The following APC variants were observed in gnomAD, a reference collection of about 807,000 sequenced individuals.
APC encodes the protein adenomatous polyposis coli protein.
In APC, 72 loss-of-function variants were observed where a neutral mutation model predicts 247.0. The observed-to-expected ratio is 0.29, with a 90% CI of 0.24 to 0.35. APC has a LOEUF of 0.35. Ranked by LOEUF, APC falls within the 10% of genes least tolerant of loss-of-function variation. The pLI is 1.00. For synonymous variants in APC, 1,254 were observed against 1,162.5 expected, an observed-to-expected ratio of 1.08 and a Z score of -1.60; for missense variants, 3,400 against 3,360.7, an observed-to-expected ratio of 1.01 and a Z score of -0.29.
chr5:112,745,866 A>G (rs1323854826), intron 1 of APC, among the ~76,000 whole-genome samples: 1 of 152,180 alleles, frequency 6.6e-6, no homozygotes, highest in Non-Finnish European at 1.5e-5. Flanking sequence ...CACTTTAAAT[A>G]ACTATTAAAA....
Position 112,765,815 on chromosome 5 carries a change from C to G in APC, c.136-511C>G, listed in dbSNP as rs75586042. 4.6e-3 allele frequency among the ~76,000 whole-genome samples: 695 copies of G among 152,182 alleles called. 7 individuals are homozygous for G. Among genetic ancestry groups the G allele is most frequent in the African/African-American group, 0.016 (674 of 41,516 alleles). Reference sequence around the variant, plus strand: ...AGTCAAGAAGTAGTGAACATACAGTCATTTGAATGTATGCTAATTGTAAAT... The same window carrying G: ...AGTCAAGAAGTAGTGAACATACAGTGATTTGAATGTATGCTAATTGTAAAT... On this transcript the variant is annotated intron_variant, in intron 2 of 15. Transcript: ENST00000257430.
At position 112,708,930 on chromosome 5, in the gene APC, G is replaced by C. The variant is rs78064343; in HGVS notation, c.165+1048G>C. On this transcript the variant is annotated intron_variant, in intron 1 of 13. Coordinates refer to the APC transcript ENST00000507379. Reference sequence around the variant, plus strand: ...TCCTAAATAACGTAGTACCTTGCCAGAGTCTAAGTGCAAAATGTGGGATCA... The same window carrying C: ...TCCTAAATAACGTAGTACCTTGCCACAGTCTAAGTGCAAAATGTGGGATCA... Among the ~76,000 whole-genome samples the C allele has an allele frequency of 4.9e-3, 748 of 152,330 alleles. 3 individuals are homozygous for C. The highest frequency in any genetic ancestry group is 0.017 in the African/African-American group (714 of 41,564).
chr5:112,833,510 G>A (rs1764537383), intron 14 of APC, among the ~76,000 whole-genome samples: 1 of 152,042 alleles, frequency 6.6e-6, no homozygotes, highest in Non-Finnish European at 1.5e-5. Context: ...TTTTTGTAGA[G>A]ATTGGGTATT....
chr5:112,846,131 T>G lies in APC; in HGVS notation c.*2005T>G, dbSNP rs559244186. On this transcript the variant is annotated 3_prime_UTR_variant, in exon 16 of 16. Coordinates refer to ENST00000257430, the MANE Select transcript of APC (RefSeq NM_000038.6). ...TGTAAACACTTCAATTTACTATCTTTGAAATGATTGACCTTTAAATTTTTG... is the reference window on the plus strand; with the variant it reads ...TGTAAACACTTCAATTTACTATCTTGGAAATGATTGACCTTTAAATTTTTG... 50 of 232,446 alleles carry G rather than the reference T, an allele frequency of 2.2e-4. No individual in the cohort carries two copies. The South Asian group carries it at 8.9e-3, about 41-fold the overall frequency. 14.4% of individuals were successfully genotyped at this position (232,446 alleles called of 1,614,324 possible). A position where few individuals can be genotyped will look rare whatever the true frequency, so the allele number is the denominator to read the frequency against.
At chr5:112,770,920 A>G (rs771972817) in intron 4 of APC, among the ~76,000 whole-genome samples, 4 of 152,128 alleles carry the variant, frequency 2.6e-5, no homozygotes, top group Non-Finnish European at 5.9e-5. Context: ...GACTGTGTCT[A>G]CTGAAGCCCC....
At chr5:112,736,945 C>G (rs1003737180), upstream of APC, among the ~76,000 whole-genome samples, 14 of 152,058 alleles carry the variant, frequency 9.2e-5, no homozygotes, top group East Asian at 2.7e-3. Context: ...AGTATAGTAT[C>G]CTTTTAAATT....
chr5:112,755,239 A>G (rs1038498513), intron 2 of APC: 1 of 311,972 alleles, frequency 3.2e-6, no homozygotes, highest in Non-Finnish European at 4.7e-6. Flanking sequence ...TAAAACTCCA[A>G]TGGCTAGTTA....
At chr5:112,817,609 C>T (rs1478658822) in intron 9 of APC, among the ~76,000 whole-genome samples, 2 of 152,114 alleles carry the variant, frequency 1.3e-5, no homozygotes, top group African/African-American at 2.4e-5. Flanking sequence ...CTTGAATATT[C>T]AAGAGTAATA....
rs1161411320 is a variant in APC, at chr5:112,838,956, T to G, written c.3362T>G (p.Ile1121Ser). 6.2e-7 allele frequency: 1 copy of G among 1,614,066 alleles called. No homozygotes were observed. Among genetic ancestry groups the G allele is most frequent in the Non-Finnish European group, 8.5e-7 (1 of 1,180,020 alleles). ...ETNRVGSNHG[I>S]NQNVSQSLCQ... is the part of the protein sequence containing the mutation. ...AATCGAGTGGGTTCTAATCATGGAA[T>G]TAATCAAAATGTAAGCCAGTCTTTG... The change falls in exon 16 of 16, where the codon ATT becomes AGT. Residue 1121 changes from isoleucine (I) to serine (S), a missense_variant. Ile to Ser is a moderately radical substitution (Grantham distance 142, BLOSUM62 -2). This residue lies in a region of APC where 715 missense variants were observed against 656.6 expected (regional missense o/e 1.09). Coordinates refer to ENST00000257430, the MANE Select transcript of APC (RefSeq NM_000038.6).
rs1765567515 is a variant in APC, at chr5:112,839,549, C to G, written c.3955C>G (p.Pro1319Ala). The stretch of plus-strand genomic sequence containing the variant: ...GATTGGAACTAGGTCAGCTGAAGAT[C>G]CTGTGAGCGAAGTTCCAGCAGTGTC... The part of the protein sequence containing the change: ...EKIGTRSAED[P>A]VSEVPAVSQH... The change falls in exon 16 of 16, where the codon CCT becomes GCT. Residue 1319 changes from proline to alanine, a missense_variant. Around this residue, in one of 9 missense-constraint regions of APC, gnomAD observed 715 missense variants for 656.6 expected, o/e 1.09. Transcript: ENST00000257430. This position sits in a 1 kb window ranked among gnomAD's most constrained non-coding sequence, Gnocchi z 5.0. 1.2e-6 allele frequency: 2 copies of G among 1,614,128 alleles called. No individual in the cohort carries two copies. The highest frequency in any genetic ancestry group is 1.7e-6 in the Non-Finnish European group (2 of 1,180,014).
chr5:112,775,864 C>T (rs993586515), intron 5 of APC, 127 bp downstream of exon 5: 8 of 577,126 alleles, frequency 1.4e-5, no homozygotes, highest in African/African-American at 1.3e-4. Flanking sequence ...TATGTTTTAC[C>T]CAACTTTAGG....
At chr5:112,820,989 G>A (rs1453491327) in intron 10 of APC, among the ~76,000 whole-genome samples, 1 of 151,374 alleles carries the variant, frequency 6.6e-6, no homozygotes, top group Non-Finnish European at 1.5e-5. Flanking sequence ...AGCCTCCTGA[G>A]AGTATCTGGG....
intron 5 of APC, 91 bp from the exon 6 acceptor site, chr5:112,780,699 A>G (rs1388235570): frequency 1.1e-6 from 1 of 894,948 alleles, no homozygotes; most frequent in African/African-American, 1.7e-5. Flanking sequence ...TTGCTTATTC[A>G]TTTTCTTTAT....
intron 1 of APC, among the ~76,000 whole-genome samples, chr5:112,753,591 G>A (rs1162452043): frequency 2.0e-5 from 3 of 152,014 alleles, no homozygotes; most frequent in East Asian, 3.9e-4. Flanking sequence ...ACTTTTGTAG[G>A]TGATCCCTGC....
At position 112,843,204 on chromosome 5, in the gene APC, C is replaced by G. The variant is rs758106362; in HGVS notation, c.7610C>G (p.Ser2537Cys). Residue 2537 changes from serine to cysteine, a missense_variant, in exon 16 of 16, where the codon TCT becomes TGT. This residue lies in a region of APC where 1,788 missense variants were observed against 1,649.5 expected (regional missense o/e 1.08). Coordinates refer to ENST00000257430, the MANE Select transcript of APC (RefSeq NM_000038.6). This position sits in a 1 kb window ranked among gnomAD's most constrained non-coding sequence, Gnocchi z 4.8. The part of the protein sequence containing the change: ...DIARSHSESP[S>C]RLPINRSGTW... ...GCACGGTCTCATTCTGAAAGTCCTT[C>G]TAGACTTCCAATCAATAGGTCAGGA... 3 of 1,613,426 alleles carry G rather than the reference C, an allele frequency of 1.9e-6. No homozygotes were observed. Among genetic ancestry groups the G allele is most frequent in the East Asian group, 2.2e-5 (1 of 44,870 alleles).
At chr5:112,740,420 A>G (rs1752857459) in intron 1 of APC, among the ~76,000 whole-genome samples, 1 of 151,692 alleles carries the variant, frequency 6.6e-6, no homozygotes, top group African/African-American at 2.4e-5. Context: ...CTGCTCTGAT[A>G]TGGCCTGAAT....
chr5:112,784,687 A>T (rs1346216980), intron 6 of APC, among the ~76,000 whole-genome samples: 1 of 152,216 alleles, frequency 6.6e-6, no homozygotes, highest in African/African-American at 2.4e-5. Context: ...CTGGAAGAGG[A>T]GATCTCAGGA....
chr5:112,715,114 A>G (rs908139782), intron 1 of APC, among the ~76,000 whole-genome samples: 32 of 152,226 alleles, frequency 2.1e-4, no homozygotes, highest in African/African-American at 7.7e-4. Context: ...TGCAGTTGTT[A>G]TAATAGAGTA....
chr5:112,823,590 G>A (rs1763354113), intron 11 of APC, among the ~76,000 whole-genome samples: 1 of 152,152 alleles, frequency 6.6e-6, no homozygotes, highest in Non-Finnish European at 1.5e-5. Context: ...TCAGTCAGCT[G>A]GGATGGTCAT....
Sources: allele counts gnomAD v4.1 joint callset (sites outside exome capture counted in the v4.1 genomes callset), GRCh38; gene constraint gnomAD v4.1.1; regional missense constraint gnomAD v4.1.1; non-coding constraint Gnocchi (gnomAD v3.1); transcripts MANE v1.5; gene names NCBI Gene and HGNC (gene_info 2026-07-23, HGNC 2026-07-21).